Variants in PCDHA4 observed in about 807,000 individuals in gnomAD.
PCDHA4 encodes protocadherin alpha 4.
A neutral mutation model predicts 61.4 loss-of-function variants in PCDHA4; 49 were observed. That is an observed-to-expected ratio of 0.80 (90% CI 0.63 to 1.01). The LOEUF (loss-of-function observed/expected upper bound fraction) is 1.01, where lower values mean the gene tolerates loss of function less well. Ranked by LOEUF, PCDHA4 falls within the 50% of genes least tolerant of loss-of-function variation. The pLI, the probability that PCDHA4 is intolerant of heterozygous loss-of-function variation, is 0.00. For synonymous variants in PCDHA4, 590 were observed against 550.3 expected (o/e 1.07, Z -1.01); for missense variants, 1,254 against 1,235.8 (o/e 1.01, Z -0.22).
At chr5:140,850,702 AGCCGAC>A (rs2150495011) in intron 1 of PCDHA4, 2 of 1,598,050 alleles carry the variant, frequency 1.3e-6, no homozygotes, top group Non-Finnish European at 1.7e-6. Flanking sequence ...GCGCCTGGCA[AGCCGAC>A]GCTGGTGTGT....
chr5:140,896,188 G>C (rs1554186861), intron 1 of PCDHA4, among the ~76,000 whole-genome samples: 1 of 152,132 alleles, frequency 6.6e-6, no homozygotes, highest in Non-Finnish European at 1.5e-5. Context: ...ATTGTGAATA[G>C]TGCCATGATG....
chr5:140,969,286 T>C (rs2096315830), intron 1 of PCDHA4: 3 of 1,614,076 alleles, frequency 1.9e-6, no homozygotes, highest in Admixed American at 1.7e-5. Flanking sequence ...GTCAGAATGC[T>C]GGGAACCTGA....
At chr5:140,863,736 T>C (rs2048147573) in intron 1 of PCDHA4, 1 of 249,698 alleles carries the variant, frequency 4.0e-6, no homozygotes. Context: ...AGCTCATGCC[T>C]ATTTGTAATC....
intron 3 of PCDHA4, among the ~76,000 whole-genome samples, chr5:141,003,696 T>C (rs1554259206): frequency 6.6e-6 from 1 of 152,210 alleles, no homozygotes; most frequent in East Asian, 1.9e-4. Flanking sequence ...AATATATCCC[T>C]ACCAATTGTG....
At chr5:140,858,112 G>A (rs943720366) in intron 1 of PCDHA4, 27 of 1,597,680 alleles carry the variant, frequency 1.7e-5, no homozygotes, top group Non-Finnish European at 2.3e-5. Context: ...TGGCGCCCGA[G>A]GTGGCCCTGG....
chr5:140,822,759 A>G, intron 1 of PCDHA4: 2 of 1,614,030 alleles, frequency 1.2e-6, no homozygotes, highest in Non-Finnish European at 1.7e-6. Context: ...GTACATTCCC[A>G]TTATCAGGAC....
intron 1 of PCDHA4, chr5:140,869,090 C>G (rs150845602): frequency 1.3e-6 from 2 of 1,589,674 alleles, no homozygotes; most frequent in African/African-American, 1.4e-5. Context: ...TTTTGGAAGC[C>G]AATTTCGTAT....
chr5:140,851,303 G>A (rs2042020475), intron 1 of PCDHA4: 2 of 1,012,372 alleles, frequency 2.0e-6, no homozygotes. Context: ...AAAATATATA[G>A]CAATTGTTAC....
chr5:140,828,552 T>A (rs2150156635), intron 1 of PCDHA4: 1 of 1,614,212 alleles, frequency 6.2e-7, no homozygotes, highest in East Asian at 2.2e-5. Context: ...GTGTTTCCAC[T>A]GGAGGGCGCG....
intron 1 of PCDHA4, among the ~76,000 whole-genome samples, chr5:140,886,387 T>C (rs1245808319): frequency 2.6e-5 from 4 of 152,234 alleles, no homozygotes; most frequent in African/African-American, 9.6e-5. Flanking sequence ...GCTTATCTAT[T>C]ATCTGCATCA....
At chr5:140,928,630 G>A in intron 1 of PCDHA4, 1 of 1,614,210 alleles carries the variant, frequency 6.2e-7, no homozygotes, top group East Asian at 2.2e-5. Context: ...TGGACACTTG[G>A]TCACAAAAGT....
Position 140,887,400 on chromosome 5 carries a change from A to G in PCDHA4, c.2385+77828A>G, listed in dbSNP as rs563892577. Among the ~76,000 whole-genome samples, 411 of 152,184 alleles carry G rather than the reference A, an allele frequency of 2.7e-3. 1 individual carries two copies. The highest frequency in any genetic ancestry group is 4.5e-3 in the Non-Finnish European group (305 of 68,000). On this transcript the variant is annotated intron_variant, in intron 1 of 3. Transcript: ENST00000530339. ...TGTGAGCCACCGCGCCCGGCTCTTT[A>G]TCTCATTTTTATTTTTGAAAAAGTA...
chr5:140,849,637 C>A lies in PCDHA4; in HGVS notation c.2385+40065C>A, dbSNP rs1581190048. ...AGTGTGATCGACCTAGACGCAGATG[C>A]CAACGGGCAGGTTACCTGCTCCCTG... On this transcript the variant is annotated intron_variant, in intron 1 of 3. Coordinates refer to ENST00000530339, the MANE Select transcript of PCDHA4 (RefSeq NM_018907.4). 4 of 1,598,688 alleles carry A rather than the reference C, an allele frequency of 2.5e-6. No homozygotes were observed. In the East Asian group the frequency reaches 8.9e-5, roughly 36 times the overall value.
At chr5:140,962,759 G>A (rs1554226222) in intron 1 of PCDHA4, among the ~76,000 whole-genome samples, 1 of 152,114 alleles carries the variant, frequency 6.6e-6, no homozygotes, top group Admixed American at 6.5e-5. Flanking sequence ...AATCCTATTC[G>A]TTTTTAACAA....
intron 1 of PCDHA4, chr5:140,828,033 C>T (rs1769495169): frequency 2.0e-6 from 3 of 1,525,942 alleles, no homozygotes; most frequent in South Asian, 2.6e-5. Flanking sequence ...CCGGAACATA[C>T]AGTATTTTAT....
chr5:140,848,422 G>A lies in PCDHA4; in HGVS notation c.2385+38850G>A, dbSNP rs143939535. 1,502 of 1,425,074 alleles carry A rather than the reference G, an allele frequency of 1.1e-3. 85 individuals are homozygous for A. The African/African-American group carries it at 0.018, about 17-fold the overall frequency. 88.3% of individuals were successfully genotyped at this position (1,425,074 alleles called of 1,614,324 possible). ...AACGATGGCGAACACAGCAGAATGG[G>A]ACTGACGAAATCAGATGATTTCTTC... On this transcript the variant is annotated intron_variant, in intron 1 of 3. Transcript: ENST00000530339.
At chr5:140,993,321 G>A (rs1021026330) in intron 3 of PCDHA4, among the ~76,000 whole-genome samples, 58 of 152,134 alleles carry the variant, frequency 3.8e-4, no homozygotes, top group African/African-American at 5.3e-4. Context: ...TACCTTCTAA[G>A]TGTTTGTGAT....
rs149972776 is a variant in PCDHA4, at chr5:140,883,738, C to G, written c.2385+74166C>G. On this transcript the variant is annotated intron_variant, in intron 1 of 3. Transcript: ENST00000530339. The stretch of plus-strand genomic sequence containing the variant: ...CGGACGCACAGGAGAACGCGCTGGT[C>G]TCCTACTCGCTGGTGGAGCGGCGGG... 852 of 1,613,378 alleles carry G rather than the reference C, an allele frequency of 5.3e-4. 5 individuals carry two copies. In the African/African-American group the frequency reaches 9.2e-3, roughly 17 times the overall value.
intron 1 of PCDHA4, among the ~76,000 whole-genome samples, chr5:140,939,737 G>GTA (rs1554212873): frequency 6.6e-6 from 1 of 152,160 alleles, no homozygotes; most frequent in Non-Finnish European, 1.5e-5. Flanking sequence ...GTGTAGCTGT[G>GTA]TATCATTCAT....
Sources: gnomAD v4.1 joint callset for allele counts (sites outside exome capture counted in the v4.1 genomes callset) on GRCh38, gnomAD v4.1.1 for gene constraint, MANE v1.5 for transcripts, NCBI Gene and HGNC (gene_info 2026-07-23, HGNC 2026-07-21) for gene names.